Variants in CBLN2 observed in about 807,000 individuals in gnomAD.
The protein encoded by CBLN2 is cerebellin-2.
In CBLN2, 7 loss-of-function variants were observed where a neutral mutation model predicts 15.0. The ratio of observed to expected loss-of-function variants is 0.47; its 90% CI spans 0.27 to 0.88. The LOEUF is 0.88. Among genes scored for constraint, CBLN2 ranks in the 40% least tolerant of loss-of-function variants. The pLI, the probability that CBLN2 is intolerant of heterozygous loss-of-function variation, is 0.14. For synonymous variants in CBLN2, 149 were observed against 135.2 expected (o/e 1.10, Z -0.71); for missense variants, 242 against 304.5 (o/e 0.79, Z 1.53).
chr18:72,621,997 T>G (rs906222720), intron 1 of CBLN2, among the ~76,000 whole-genome samples: 2 of 152,188 alleles, frequency 1.3e-5, no homozygotes, highest in East Asian at 3.9e-4. Context: ...GAAAAGGGAT[T>G]GCTGTGGGTT....
chr18:72,570,743 C>T (rs2069327366), intron 1 of CBLN2, among the ~76,000 whole-genome samples: 1 of 152,130 alleles, frequency 6.6e-6, no homozygotes, highest in Non-Finnish European at 1.5e-5. Context: ...ACAAAGTAAA[C>T]TGCAGAAAAG....
At chr18:72,616,115 C>A (rs1450234262) in intron 1 of CBLN2, among the ~76,000 whole-genome samples, 6 of 152,092 alleles carry the variant, frequency 3.9e-5, no homozygotes, top group African/African-American at 1.4e-4. Flanking sequence ...GGAAAATAAT[C>A]AAGGTTAAGA....
chr18:72,566,460 T>C (rs952812066), intron 1 of CBLN2, among the ~76,000 whole-genome samples: 4 of 152,182 alleles, frequency 2.6e-5, no homozygotes, highest in Admixed American at 6.5e-5. Flanking sequence ...GTGGTATACA[T>C]ACACAAATTC....
chr18:72,538,191 C>T lies in CBLN2; in HGVS notation c.660G>A (p.Leu220=), dbSNP rs755777666. 2 of 1,614,028 alleles carry T rather than the reference C, an allele frequency of 1.2e-6. No individual in the cohort carries two copies. The highest frequency in any genetic ancestry group is 2.2e-5 in the East Asian group (1 of 44,856). Residue 220 remains leucine (L), a synonymous_variant, in exon 5 of 5, where the codon TTG becomes TTA. Transcript: ENST00000269503. The part of the protein sequence containing the change: ...GWKYSTFSGF[L]VFPL Reference sequence around the variant, plus strand: ...GGCTCTGTGTTTATAGAGGAAACACCAAGAAGCCCGAGAATGTGGAGTATT... The same window carrying T: ...GGCTCTGTGTTTATAGAGGAAACACTAAGAAGCCCGAGAATGTGGAGTATT...
intron 1 of CBLN2, among the ~76,000 whole-genome samples, chr18:72,622,281 A>T (rs916393798): frequency 1.4e-4 from 21 of 152,108 alleles, no homozygotes; most frequent in African/African-American, 4.6e-4. Context: ...ACACAATTAG[A>T]AACATTGCTT....
intron 1 of CBLN2, among the ~76,000 whole-genome samples, chr18:72,551,258 A>G (rs921040935): frequency 6.6e-6 from 1 of 152,110 alleles, no homozygotes; most frequent in Non-Finnish European, 1.5e-5. Context: ...ACACATCTAT[A>G]CATATATATG....
chr18:72,613,336 C>T (rs80324545), intron 1 of CBLN2, among the ~76,000 whole-genome samples: 1,997 of 152,290 alleles, frequency 0.013, 20 homozygotes, highest in Non-Finnish European at 0.02. Flanking sequence ...CAGTGGGTTT[C>T]ACATTACAGT....
intron 1 of CBLN2, among the ~76,000 whole-genome samples, chr18:72,623,950 C>G (rs1203598134): frequency 6.6e-6 from 1 of 152,150 alleles, no homozygotes; most frequent in Non-Finnish European, 1.5e-5. Context: ...AAATAACTTG[C>G]TCTCTGGGAG....
chr18:72,637,281 C>CA (rs56971218), intron 1 of CBLN2, among the ~76,000 whole-genome samples: 26,750 of 150,148 alleles, frequency 0.18, 2,870 homozygotes, highest in East Asian at 0.28. Context: ...ACAGAACAAG[C>CA]AAAAAAAAAA....
chr18:72,582,173 A>G (rs531626046), intron 1 of CBLN2, among the ~76,000 whole-genome samples: 1 of 152,274 alleles, frequency 6.6e-6, no homozygotes, highest in East Asian at 1.9e-4. Context: ...AAGTCCTCCC[A>G]CATTTTTCTC....
chr18:72,601,503 A>C (rs577978363), intron 1 of CBLN2, among the ~76,000 whole-genome samples: 7 of 152,280 alleles, frequency 4.6e-5, no homozygotes, highest in African/African-American at 1.7e-4. Flanking sequence ...GCAGAGGAGA[A>C]GGTTTCCCAC....
chr18:72,612,153 A>G (rs2069626733), intron 1 of CBLN2, among the ~76,000 whole-genome samples: 1 of 152,186 alleles, frequency 6.6e-6, no homozygotes, highest in South Asian at 2.1e-4. Context: ...GCCCTGTAGT[A>G]TAATTTAAAT....
intron 1 of CBLN2, among the ~76,000 whole-genome samples, chr18:72,605,835 A>G (rs1010577932): frequency 3.9e-5 from 6 of 152,252 alleles, no homozygotes; most frequent in Non-Finnish European, 7.3e-5. Flanking sequence ...CTCTGCTTTT[A>G]GATGTTACTT....
chr18:72,607,025 A>G (rs771725475), intron 1 of CBLN2, among the ~76,000 whole-genome samples: 5 of 152,212 alleles, frequency 3.3e-5, no homozygotes, highest in Admixed American at 6.5e-5. Flanking sequence ...CAGAGGTCAT[A>G]GGTTAAAATG....
chr18:72,618,421 A>G (rs2069677471), intron 1 of CBLN2: 1 of 614,538 alleles, frequency 1.6e-6, no homozygotes, highest in Non-Finnish European at 3.0e-6. Context: ...CCAAACACCA[A>G]GAGCTCCAGG....
intron 1 of CBLN2, among the ~76,000 whole-genome samples, chr18:72,597,029 T>C (rs1005024415): frequency 2.6e-5 from 4 of 152,228 alleles, no homozygotes; most frequent in Admixed American, 6.5e-5. Context: ...TCTCTATCTC[T>C]ACTTTAATAC....
intron 1 of CBLN2, among the ~76,000 whole-genome samples, chr18:72,615,058 AAT>A (rs1420917504): frequency 2.3e-5 from 3 of 131,038 alleles, no homozygotes; most frequent in Admixed American, 8.3e-5. Context: ...TATATATATA[AAT>A]ATATATATTT....
Position 72,542,140 on chromosome 18 carries a change from C to A in CBLN2, c.21G>T (p.Gly7=), listed in dbSNP as rs938480595. The change falls in exon 3 of 5, where the codon GGG becomes GGT. Residue 7 remains glycine (G), a synonymous_variant. Transcript: ENST00000269503. MQAPGR[G]PLGLRLMMPG... ...GCATCATCAGCCGCAGCCCGAGTGG[C>A]CCCCGGCCGGGCGCCTGCATCGGGA... 5 of 1,320,942 alleles carry A rather than the reference C, an allele frequency of 3.8e-6. No individual in the cohort carries two copies. The African/African-American group carries it at 6.2e-5, about 16-fold the overall frequency. 81.8% of individuals were successfully genotyped at this position (1,320,942 alleles called of 1,614,324 possible). A position where few individuals can be genotyped will look rare whatever the true frequency, so the allele number is the denominator to read the frequency against.
chr18:72,630,791 C>T (rs2069770995), intron 1 of CBLN2, among the ~76,000 whole-genome samples: 1 of 152,112 alleles, frequency 6.6e-6, no homozygotes, highest in Admixed American at 6.6e-5. Context: ...TCCTGTGGAA[C>T]TGAAGGACGC....
Sources: allele counts gnomAD v4.1 joint callset (sites outside exome capture counted in the v4.1 genomes callset), GRCh38; gene constraint gnomAD v4.1.1; transcripts MANE v1.5; gene names NCBI Gene and HGNC (gene_info 2026-07-23, HGNC 2026-07-21).